The following NKAIN3 variants were observed in gnomAD, a reference collection of about 807,000 sequenced individuals.
NKAIN3 encodes sodium/potassium transporting ATPase interacting 3, also known as sodium/potassium-transporting ATPase subunit beta-1-interacting protein 3.
NKAIN3 carries 25 observed loss-of-function variants against 30.2 expected under a neutral mutation model. The ratio of observed to expected loss-of-function variants is 0.83; its 90% confidence interval spans 0.60 to 1.16. NKAIN3 has a LOEUF of 1.16. Ranked by LOEUF, NKAIN3 falls within the 50% of genes most tolerant of loss-of-function variation. The probability of loss-of-function intolerance (pLI) is 0.00; values close to 1 mark genes in which losing one functional copy is unlikely to be tolerated. For missense variants in NKAIN3, 225 were observed against 254.1 expected (o/e 0.89, Z 0.78); for synonymous variants, 91 against 89.6 (o/e 1.02, Z -0.09).
At chr8:62,900,312 G>C (rs1426445499) in intron 4 of NKAIN3, among the ~76,000 whole-genome samples, 1 of 152,198 alleles carries the variant, frequency 6.6e-6, no homozygotes, top group African/African-American at 2.4e-5. Context: ...AGTGAGCAAC[G>C]TGTGGAGGTG....
At chr8:62,985,040 A>G (rs1485560789), downstream of NKAIN3, 2 of 152,228 alleles carry the variant, frequency 1.3e-5, no homozygotes, top group Admixed American at 1.3e-4. Flanking sequence ...TGCACAAATA[A>G]AAGTCTTAAG....
chr8:62,950,328 T>C (rs1446523165), intron 5 of NKAIN3, among the ~76,000 whole-genome samples: 1 of 152,196 alleles, frequency 6.6e-6, no homozygotes, highest in Non-Finnish European at 1.5e-5. Flanking sequence ...GATGCATGCA[T>C]GACAAACTGT....
chr8:62,933,575 T>C lies in NKAIN3; in HGVS notation c.532+15062T>C, dbSNP rs115822944. On this transcript the variant is annotated intron_variant, in intron 5 of 6. Coordinates refer to ENST00000623646, the MANE Select transcript of NKAIN3 (RefSeq NM_001304533.3). Reference sequence around the variant, plus strand: ...CCATGATTTTTTCTCTCAGCCATTCTATTCTGCTTCATTGACTCCAAAGAG... The same window carrying C: ...CCATGATTTTTTCTCTCAGCCATTCCATTCTGCTTCATTGACTCCAAAGAG... Among the ~76,000 whole-genome samples, 1,024 of 152,354 alleles carry C rather than the reference T, an allele frequency of 6.7e-3. 13 individuals are homozygous for C. Among genetic ancestry groups the C allele is most frequent in the African/African-American group, 0.023 (953 of 41,594 alleles).
rs374892774 is a variant in NKAIN3 at position 62,280,687 on chromosome 8, G to T, written c.54+31560G>T. ...TATGCTGGATTACATTTATTGATTT[G>T]CATACGTTGAACCACCCTTGCATCC... On this transcript the variant is annotated intron_variant, in intron 1 of 6. Coordinates refer to ENST00000623646, the MANE Select transcript of NKAIN3 (RefSeq NM_001304533.3). Among the ~76,000 whole-genome samples the T allele has an allele frequency of 1.3e-3, 205 of 152,232 alleles. 3 individuals carry two copies. The highest frequency in any genetic ancestry group is 0.011 in the South Asian group (55 of 4,822).
chr8:62,944,517 C>T (rs963995215), intron 5 of NKAIN3, among the ~76,000 whole-genome samples: 3 of 152,126 alleles, frequency 2.0e-5, no homozygotes, highest in Non-Finnish European at 4.4e-5. Flanking sequence ...TTGAGTTTCA[C>T]AATCCATTAA....
chr8:62,368,633 C>CA (rs1816809483), intron 1 of NKAIN3, among the ~76,000 whole-genome samples: 1 of 152,004 alleles, frequency 6.6e-6, no homozygotes, highest in Non-Finnish European at 1.5e-5. Context: ...AAAGATTCTG[C>CA]AAAAAACACC....
At chr8:62,459,736 G>A (rs1415337149) in intron 1 of NKAIN3, among the ~76,000 whole-genome samples, 1 of 152,162 alleles carries the variant, frequency 6.6e-6, no homozygotes, top group African/African-American at 2.4e-5. Context: ...GGAGAAGAAA[G>A]CATTCCAGCA....
At chr8:62,894,464 T>G (rs1172184572) in intron 4 of NKAIN3, among the ~76,000 whole-genome samples, 1 of 152,190 alleles carries the variant, frequency 6.6e-6, no homozygotes, top group Non-Finnish European at 1.5e-5. Context: ...TTGTTGTTAT[T>G]GTTTATTTAT....
intron 3 of NKAIN3, among the ~76,000 whole-genome samples, chr8:62,704,552 TA>T (rs2130476527): frequency 6.6e-6 from 1 of 152,266 alleles, no homozygotes; most frequent in South Asian, 2.1e-4. Context: ...AAAGTTGGGA[TA>T]AGAATTGCTC....
chr8:62,473,647 AC>A (rs1324576194), intron 1 of NKAIN3, among the ~76,000 whole-genome samples: 13 of 152,104 alleles, frequency 8.5e-5, no homozygotes, highest in African/African-American at 3.1e-4. Flanking sequence ...GGCATTCAGA[AC>A]CCTTAGGGAT....
At chr8:62,459,157 T>A (rs1036985887) in intron 1 of NKAIN3, among the ~76,000 whole-genome samples, 1 of 152,046 alleles carries the variant, frequency 6.6e-6, no homozygotes, top group Non-Finnish European at 1.5e-5. Context: ...CTTGATCTGA[T>A]CTAGGCCAGA....
At chr8:62,851,418 T>C (rs184584654) in intron 4 of NKAIN3, among the ~76,000 whole-genome samples, 4,062 of 152,080 alleles carry the variant, frequency 0.027, 84 homozygotes, top group Non-Finnish European at 0.044. Context: ...ACAATTTGAC[T>C]TCCTCTTTTC....
chr8:62,933,504 AT>A (rs1822686479), intron 5 of NKAIN3, among the ~76,000 whole-genome samples: 1 of 152,212 alleles, frequency 6.6e-6, no homozygotes, highest in Non-Finnish European at 1.5e-5. Context: ...GTCTAAAACT[AT>A]TTAGGCAAAC....
At chr8:62,746,845 C>G in intron 3 of NKAIN3, 87 bp from the exon 4 acceptor site, 2 of 894,834 alleles carry the variant, frequency 2.2e-6, no homozygotes, top group South Asian at 3.6e-5. Flanking sequence ...GCAATTTCAT[C>G]TACCCTGAAT....
chr8:62,740,636 T>A (rs1311659954), intron 3 of NKAIN3, among the ~76,000 whole-genome samples: 1 of 24,670 alleles, frequency 4.1e-5, no homozygotes, highest in Non-Finnish European at 7.0e-5. Context: ...TGTAAAGAAG[T>A]GAATATTGTT....
chr8:62,786,494 A>G (rs1453787841), intron 4 of NKAIN3, among the ~76,000 whole-genome samples: 1 of 31,226 alleles, frequency 3.2e-5, no homozygotes. Flanking sequence ...ATCTCCTCAT[A>G]TAAAGGATTC....
At chr8:62,676,404 T>A (rs1335228257) in intron 3 of NKAIN3, among the ~76,000 whole-genome samples, 1 of 152,090 alleles carries the variant, frequency 6.6e-6, no homozygotes, top group Non-Finnish European at 1.5e-5. Context: ...CCGTCTCTAC[T>A]AAAAATACAA....
At chr8:62,377,824 C>T (rs1323343459) in intron 1 of NKAIN3, among the ~76,000 whole-genome samples, 1 of 152,192 alleles carries the variant, frequency 6.6e-6, no homozygotes, top group Non-Finnish European at 1.5e-5. Flanking sequence ...CTATGCAGAA[C>T]TATGAGTCAA....
intron 5 of NKAIN3, among the ~76,000 whole-genome samples, chr8:62,998,513 G>C (rs1311880694): frequency 6.6e-6 from 1 of 152,154 alleles, no homozygotes; most frequent in Non-Finnish European, 1.5e-5. Flanking sequence ...GACCTCAAGT[G>C]ATCCACCTGC....
Sources: gnomAD v4.1 joint callset for allele counts (sites outside exome capture counted in the v4.1 genomes callset) on GRCh38, gnomAD v4.1.1 for gene constraint, MANE v1.5 for transcripts, NCBI Gene and HGNC (gene_info 2026-07-23, HGNC 2026-07-21) for gene names.